RUNX2: variants seen among roughly 807,000 people sequenced by gnomAD.
RUNX2 encodes the protein runt-related transcription factor 2.
A neutral mutation model predicts 51.7 loss-of-function variants in RUNX2; 10 were observed. The ratio of observed to expected loss-of-function variants is 0.19; its 90% confidence interval spans 0.12 to 0.33. The LOEUF is 0.33. Ranked by LOEUF, RUNX2 falls within the 10% of genes least tolerant of loss-of-function variation. The probability of loss-of-function intolerance (pLI) is 1.00; values close to 1 mark genes in which losing one functional copy is unlikely to be tolerated. For synonymous variants in RUNX2, 276 were observed against 273.6 expected (o/e 1.01, Z -0.09); for missense variants, 562 against 691.3 (o/e 0.81, Z 2.10).
chr6:45,351,894 GCTGA>G (rs970381294), intron 2 of RUNX2, among the ~76,000 whole-genome samples: 2 of 152,006 alleles, frequency 1.3e-5, no homozygotes, highest in African/African-American at 4.8e-5. Context: ...CCTTATAAAT[GCTGA>G]CTAAGCTCAG....
intron 6 of RUNX2, 137 bp downstream of exon 6, chr6:45,492,251 A>T (rs1269430739): frequency 7.9e-6 from 6 of 755,994 alleles, no homozygotes; most frequent in Non-Finnish European, 1.3e-5. Context: ...ACTTGAAGAC[A>T]CTGATTTCTT....
intron 4 of RUNX2, among the ~76,000 whole-genome samples, chr6:45,433,257 G>A (rs1798593790): frequency 6.6e-6 from 1 of 152,120 alleles, no homozygotes; most frequent in South Asian, 2.1e-4. Flanking sequence ...TCTGCATCAG[G>A]TTTAGTTAAC....
chr6:45,349,444 C>G (rs1206410621), intron 2 of RUNX2, among the ~76,000 whole-genome samples: 1 of 152,126 alleles, frequency 6.6e-6, no homozygotes, highest in Non-Finnish European at 1.5e-5. Flanking sequence ...CACTAGTTTT[C>G]CAAGTATGGT....
chr6:45,331,061 C>G (rs1485244624), intron 2 of RUNX2, among the ~76,000 whole-genome samples: 1 of 151,836 alleles, frequency 6.6e-6, no homozygotes, highest in Admixed American at 6.6e-5. Flanking sequence ...AGGTGAGGTA[C>G]AAAGCACACA....
At chr6:45,467,502 G>C (rs758061822) in intron 5 of RUNX2, among the ~76,000 whole-genome samples, 1 of 151,930 alleles carries the variant, frequency 6.6e-6, no homozygotes, top group East Asian at 1.9e-4. Context: ...GGCTGGTCTC[G>C]AACTCCTGAC....
At chr6:45,545,338 G>T in intron 8 of RUNX2, 56 bp downstream of exon 8, 1 of 1,520,200 alleles carries the variant, frequency 6.6e-7, no homozygotes, top group Non-Finnish European at 8.9e-7. Context: ...TGGGCTGTCT[G>T]GTTGTTACTG....
chr6:45,459,793 G>A (rs142520125), intron 5 of RUNX2, among the ~76,000 whole-genome samples: 1 of 152,348 alleles, frequency 6.6e-6, no homozygotes, highest in South Asian at 2.1e-4. Flanking sequence ...GGGGACAGAG[G>A]GAGGGAGGTG....
chr6:45,384,495 G>A (rs1190992901), intron 2 of RUNX2, among the ~76,000 whole-genome samples: 11 of 152,020 alleles, frequency 7.2e-5, no homozygotes, highest in African/African-American at 1.4e-4. Flanking sequence ...ATGTTGGCAA[G>A]GCTGGTCTTG....
At chr6:45,475,235 G>T (rs1014578586) in intron 5 of RUNX2, among the ~76,000 whole-genome samples, 1 of 152,044 alleles carries the variant, frequency 6.6e-6, no homozygotes, top group African/African-American at 2.4e-5. Flanking sequence ...GCATAAGAAA[G>T]TGGCAACTGG....
intron 2 of RUNX2, among the ~76,000 whole-genome samples, chr6:45,405,652 T>C (rs1797818652): frequency 6.6e-6 from 1 of 151,656 alleles, no homozygotes; most frequent in Admixed American, 6.6e-5. Context: ...AGCCGGGCGG[T>C]GGTGGGCGCC....
Position 45,414,754 on chromosome 6 carries a change from C to CTTTTTTTTTTTTT in RUNX2, c.59-7821_59-7809dup, listed in dbSNP as rs34672680. Among the ~76,000 whole-genome samples, 18 of 33,448 alleles carry CTTTTTTTTTTTTT rather than the reference C, an allele frequency of 5.4e-4. 1 individual carries two copies. Among genetic ancestry groups the CTTTTTTTTTTTTT allele is most frequent in the Non-Finnish European group, 8.8e-4 (17 of 19,226 alleles). The allele number at this position is 33,448 out of a possible 152,430, so 21.9% of individuals were successfully genotyped here. On this transcript the variant is annotated intron_variant, in intron 2 of 8. Transcript: ENST00000647337. ...ATCTCTCCACCTTCCCAGATCCTGG[C>CTTTTTTTTTTTTT]TTTTTTTTTTTTTTTTTTTTTTTTT... is the stretch of plus-strand genomic sequence containing the variant.
intron 3 of RUNX2, among the ~76,000 whole-genome samples, chr6:45,427,704 G>A (rs1270822648): frequency 3.9e-5 from 6 of 152,044 alleles, no homozygotes; most frequent in Non-Finnish European, 8.8e-5. Context: ...TAATTGATTA[G>A]TTAAGACTAG....
At chr6:45,462,549 T>C (rs1026402685) in intron 5 of RUNX2, among the ~76,000 whole-genome samples, 1 of 152,224 alleles carries the variant, frequency 6.6e-6, no homozygotes, top group Admixed American at 6.5e-5. Context: ...ACTGTAGTTT[T>C]GAATAATTCG....
At chr6:45,442,443 CT>C (rs1171217194) in intron 5 of RUNX2, among the ~76,000 whole-genome samples, 1 of 152,190 alleles carries the variant, frequency 6.6e-6, no homozygotes, top group Non-Finnish European at 1.5e-5. Context: ...CTTGTTCCAT[CT>C]GTGGACTTGG....
intron 2 of RUNX2, chr6:45,361,462 C>T (rs1470139121): frequency 1.3e-5 from 2 of 152,078 alleles, no homozygotes; most frequent in Non-Finnish European, 2.9e-5. Flanking sequence ...AGGAAGAACT[C>T]AGAGAACTCA....
At chr6:45,546,256 C>G (rs1323194161) in intron 8 of RUNX2, among the ~76,000 whole-genome samples, 1 of 151,992 alleles carries the variant, frequency 6.6e-6, no homozygotes, top group Admixed American at 6.6e-5. Context: ...TTCACTGTTG[C>G]TAAGATGAGA....
intron 5 of RUNX2, among the ~76,000 whole-genome samples, chr6:45,479,215 G>A (rs558741692): frequency 6.6e-6 from 1 of 152,300 alleles, no homozygotes; most frequent in African/African-American, 2.4e-5. Flanking sequence ...AGAATTAAAT[G>A]ATAATATTCT....
At chr6:45,359,881 A>C (rs535060607) in intron 2 of RUNX2, among the ~76,000 whole-genome samples, 1 of 152,276 alleles carries the variant, frequency 6.6e-6, no homozygotes, top group East Asian at 1.9e-4. Context: ...CTGCCTCTAC[A>C]AAACAATACA....
rs558383383 is a variant in RUNX2, at chr6:45,404,629, T to C, written c.59-17964T>C. Among the ~76,000 whole-genome samples the C allele has an allele frequency of 2.0e-5, 3 of 152,376 alleles. No individual in the cohort carries two copies. In the East Asian group the frequency reaches 5.8e-4, roughly 29 times the overall value. On this transcript the variant is annotated intron_variant, in intron 2 of 8. Coordinates refer to ENST00000647337, the MANE Select transcript of RUNX2 (RefSeq NM_001024630.4). ...ATTTACAGTTCTCAAGGTGCCTGTCTGCAGCATATTAGACATCAACAGACA... is the reference window on the plus strand; with the variant it reads ...ATTTACAGTTCTCAAGGTGCCTGTCCGCAGCATATTAGACATCAACAGACA...
Sources: allele counts gnomAD v4.1 joint callset (sites outside exome capture counted in the v4.1 genomes callset), GRCh38; gene constraint gnomAD v4.1.1; transcripts MANE v1.5; gene names NCBI Gene and HGNC (gene_info 2026-07-23, HGNC 2026-07-21).